Variants in ADAM22 observed in about 807,000 individuals in gnomAD.
The protein encoded by ADAM22 is disintegrin and metalloproteinase domain-containing protein 22.
In ADAM22, 65 loss-of-function variants were observed where a neutral mutation model predicts 144.6. The observed-to-expected ratio is 0.45, with a 90% CI of 0.37 to 0.55. The LOEUF is 0.55. Among genes scored for constraint, ADAM22 ranks in the 20% least tolerant of loss-of-function variants. The pLI is 0.00. For missense variants in ADAM22, 974 were observed against 1,184.9 expected, an observed-to-expected ratio of 0.82 and a Z score of 2.61; for synonymous variants, 391 against 412.6, an observed-to-expected ratio of 0.95 and a Z score of 0.63.
chr7:87,979,573 G>A (rs1852798314), intron 3 of ADAM22, among the ~76,000 whole-genome samples: 1 of 152,054 alleles, frequency 6.6e-6, no homozygotes, highest in Non-Finnish European at 1.5e-5. Context: ...CATTATTGAT[G>A]TATGGCCATC....
intron 3 of ADAM22, among the ~76,000 whole-genome samples, chr7:88,073,382 A>T (rs976014766): frequency 6.6e-6 from 1 of 152,226 alleles, no homozygotes; most frequent in Non-Finnish European, 1.5e-5. Flanking sequence ...AGCCCCGGCT[A>T]CCATGCTGAG....
intron 3 of ADAM22, among the ~76,000 whole-genome samples, chr7:88,001,927 A>G (rs1042640088): frequency 5.9e-5 from 9 of 152,090 alleles, no homozygotes; most frequent in African/African-American, 2.2e-4. Context: ...TACTAGTTAC[A>G]TAACCATGGC....
At chr7:88,027,577 CTT>C (rs946553525) in intron 3 of ADAM22, among the ~76,000 whole-genome samples, 3 of 151,978 alleles carry the variant, frequency 2.0e-5, no homozygotes, top group Admixed American at 6.6e-5. Flanking sequence ...TCAATTGACT[CTT>C]TTCTCTTTTT....
At position 88,075,686 on chromosome 7, in the gene ADAM22, A is replaced by C. The variant is rs750840971; in HGVS notation, c.384A>C (p.Glu128Asp). The change falls in exon 4 of 32, where the codon GAA (glutamate) becomes GAC (aspartate). Residue 128 changes from glutamate to aspartate, a missense_variant. Glu to Asp is a conservative substitution (Grantham distance 45). Coordinates refer to ENST00000413139, the MANE Select transcript of ADAM22 (RefSeq NM_001324418.2). The part of the protein sequence containing the change: ...RHIEHGGKTV[E>D]VKGGEHCYYQ... ...TTGAACATGGAGGCAAGACTGTGGA[A>C]GTTAAAGTAAGTGAAATTTTCCTAC... 19 of 1,613,072 alleles carry C rather than the reference A, an allele frequency of 1.2e-5. No individual in the cohort carries two copies. Among genetic ancestry groups the C allele is most frequent in the Non-Finnish European group, 1.6e-5 (19 of 1,179,458 alleles).
At chr7:88,033,979 C>A (rs1224961177) in intron 3 of ADAM22, among the ~76,000 whole-genome samples, 1 of 152,158 alleles carries the variant, frequency 6.6e-6, no homozygotes, top group Admixed American at 6.5e-5. Context: ...TCCAGAAATG[C>A]CTTCCAGGAG....
intron 12 of ADAM22, among the ~76,000 whole-genome samples, chr7:88,133,729 G>A (rs966672604): frequency 2.6e-5 from 4 of 152,016 alleles, no homozygotes; most frequent in Non-Finnish European, 5.9e-5. Context: ...TTTTCCAAAG[G>A]GTTTCTTTTA....
intron 3 of ADAM22, among the ~76,000 whole-genome samples, chr7:87,992,127 G>T (rs1253068526): frequency 6.6e-6 from 1 of 152,194 alleles, no homozygotes; most frequent in African/African-American, 2.4e-5. Context: ...GAACAATCTT[G>T]CCTGGTTAAA....
chr7:87,947,847 A>G (rs1844093405), intron 2 of ADAM22, among the ~76,000 whole-genome samples: 1 of 152,112 alleles, frequency 6.6e-6, no homozygotes. Flanking sequence ...GAAGGCATGG[A>G]CCCTCATCTT....
At chr7:88,079,322 G>T (rs928315287) in intron 4 of ADAM22, among the ~76,000 whole-genome samples, 4 of 152,180 alleles carry the variant, frequency 2.6e-5, no homozygotes, top group African/African-American at 9.6e-5. Flanking sequence ...CACCAGGCCT[G>T]CCCTACAAGA....
chr7:88,064,855 T>C (rs532401148), intron 3 of ADAM22, among the ~76,000 whole-genome samples: 1 of 152,212 alleles, frequency 6.6e-6, no homozygotes, highest in African/African-American at 2.4e-5. Context: ...AGCACCTACT[T>C]AGCATGTTGT....
At chr7:87,996,977 G>A (rs752351149) in intron 3 of ADAM22, among the ~76,000 whole-genome samples, 3 of 152,202 alleles carry the variant, frequency 2.0e-5, no homozygotes, top group African/African-American at 4.8e-5. Flanking sequence ...GAGGTGCTCA[G>A]TGTGTTTAGT....
At chr7:88,144,502 T>C (rs1199781111) in intron 15 of ADAM22, among the ~76,000 whole-genome samples, 1 of 152,204 alleles carries the variant, frequency 6.6e-6, no homozygotes, top group East Asian at 1.9e-4. Flanking sequence ...GTATTTTTTA[T>C]TAAGTCGATC....
At chr7:88,154,850 T>C (rs1463368575) in intron 21 of ADAM22, among the ~76,000 whole-genome samples, 1 of 152,070 alleles carries the variant, frequency 6.6e-6, no homozygotes, top group Non-Finnish European at 1.5e-5. Flanking sequence ...AAAATACAGG[T>C]TCTAATTTTT....
intron 4 of ADAM22, among the ~76,000 whole-genome samples, chr7:88,100,820 AGGAGACTTACAACTG>A (rs1822712060): frequency 6.6e-6 from 1 of 151,984 alleles, no homozygotes; most frequent in Non-Finnish European, 1.5e-5. Context: ...CAGCCTCCCA[AGGAGACTTACAACTG>A]GGAAGGTGGA....
chr7:88,089,673 C>A (rs1819344004), intron 4 of ADAM22, among the ~76,000 whole-genome samples: 1 of 152,114 alleles, frequency 6.6e-6, no homozygotes, highest in African/African-American at 2.4e-5. Context: ...TACTTAGTCA[C>A]CTAGACAGTA....
intron 30 of ADAM22, among the ~76,000 whole-genome samples, chr7:88,192,491 A>T (rs148655209): frequency 5.3e-5 from 8 of 152,194 alleles, no homozygotes; most frequent in African/African-American, 1.7e-4. Context: ...GACTAATTAG[A>T]CCATTTTTGT....
At chr7:88,077,677 C>T (rs183766111) in intron 4 of ADAM22, among the ~76,000 whole-genome samples, 4 of 152,330 alleles carry the variant, frequency 2.6e-5, no homozygotes, top group African/African-American at 9.6e-5. Context: ...GCTTAACAAA[C>T]GGCACACCAG....
intron 4 of ADAM22, among the ~76,000 whole-genome samples, chr7:88,091,873 T>C (rs1477408312): frequency 6.6e-6 from 1 of 152,188 alleles, no homozygotes; most frequent in Non-Finnish European, 1.5e-5. Flanking sequence ...ATTGAAGATG[T>C]GTTAGTTCAG....
At chr7:88,065,106 C>T (rs1810897177) in intron 3 of ADAM22, among the ~76,000 whole-genome samples, 1 of 151,608 alleles carries the variant, frequency 6.6e-6, no homozygotes. Flanking sequence ...AATAATAAAC[C>T]CAAAACAAAA....
Sources: gnomAD v4.1 joint callset for allele counts (sites outside exome capture counted in the v4.1 genomes callset) on GRCh38, gnomAD v4.1.1 for gene constraint, MANE v1.5 for transcripts, NCBI Gene and HGNC (gene_info 2026-07-23, HGNC 2026-07-21) for gene names.